Variants in SLC35F4 observed in about 807,000 individuals in gnomAD.
The protein encoded by SLC35F4 is solute carrier family 35 member F4.
A neutral mutation model predicts 44.2 loss-of-function variants in SLC35F4; 24 were observed. That is an observed-to-expected ratio of 0.54 (90% CI 0.39 to 0.76). The LOEUF is 0.76. SLC35F4 is among the 30% of genes least tolerant of loss of function. The pLI is 0.00. For missense variants in SLC35F4, 562 were observed against 586.1 expected (o/e 0.96, Z 0.42); for synonymous variants, 238 against 223.6 (o/e 1.06, Z -0.57).
At chr14:57,849,571 T>A (rs1423634364) in intron 1 of SLC35F4, among the ~76,000 whole-genome samples, 1 of 152,150 alleles carries the variant, frequency 6.6e-6, no homozygotes. Flanking sequence ...TAAGAGAAGA[T>A]ATTCTATCCA....
chr14:57,593,519 T>A (rs1156671602), intron 2 of SLC35F4, among the ~76,000 whole-genome samples: 2 of 152,194 alleles, frequency 1.3e-5, no homozygotes, highest in South Asian at 2.1e-4. Flanking sequence ...CTCCAGGGAC[T>A]AACAGTCCCG....
intron 1 of SLC35F4, among the ~76,000 whole-genome samples, chr14:57,862,914 G>T (rs2141014819): frequency 6.6e-6 from 1 of 152,256 alleles, no homozygotes; most frequent in Admixed American, 6.5e-5. Flanking sequence ...ACTTTTGTCT[G>T]TTTTGCTCAT....
intron 1 of SLC35F4, among the ~76,000 whole-genome samples, chr14:57,782,748 C>A (rs972697927): frequency 6.6e-6 from 1 of 152,196 alleles, no homozygotes; most frequent in Non-Finnish European, 1.5e-5. Flanking sequence ...TGATCTCTCC[C>A]AGTTCACACA....
At chr14:57,875,554 T>C (rs1888382034) in intron 1 of SLC35F4, among the ~76,000 whole-genome samples, 1 of 152,220 alleles carries the variant, frequency 6.6e-6, no homozygotes, top group African/African-American at 2.4e-5. Flanking sequence ...AGCTGGGGAC[T>C]GAATAGGATA....
chr14:57,568,610 C>T (rs185100832), intron 6 of SLC35F4, among the ~76,000 whole-genome samples: 2 of 152,076 alleles, frequency 1.3e-5, no homozygotes, highest in African/African-American at 2.4e-5. Context: ...TGTTTTCTGT[C>T]GAAGACCTCC....
chr14:57,580,823 T>TG (rs568767579), intron 4 of SLC35F4, among the ~76,000 whole-genome samples: 133 of 152,202 alleles, frequency 8.7e-4, no homozygotes, highest in South Asian at 6.2e-4. Context: ...GTGGGGGGAA[T>TG]GGGGGGTCAT....
rs146980098 is a variant in SLC35F4 at position 57,828,661 on chromosome 14, A to G, written c.103+37062T>C. On this transcript the variant is annotated intron_variant, in intron 1 of 7. Transcript: ENST00000556826. ...GTGCAAGAAGTCCATTGTGTCACAG[A>G]ATGTCACCAACACCACTCCTGGTCT... Among the ~76,000 whole-genome samples, 293 of 152,244 alleles carry G rather than the reference A, an allele frequency of 1.9e-3. 4 individuals are homozygous for G. The highest frequency in any genetic ancestry group is 6.7e-3 in the African/African-American group (278 of 41,568).
chr14:57,566,390 A>G (rs2068207662), intron 7 of SLC35F4, 85 bp downstream of exon 7: 5 of 1,286,380 alleles, frequency 3.9e-6, no homozygotes, highest in South Asian at 1.4e-5. Flanking sequence ...CACAATTTCT[A>G]GAAGGAACAA....
chr14:57,863,510 A>G (rs1415527131), intron 1 of SLC35F4, among the ~76,000 whole-genome samples: 1 of 152,236 alleles, frequency 6.6e-6, no homozygotes, highest in Non-Finnish European at 1.5e-5. Context: ...TTCACATATT[A>G]TATATTCATC....
chr14:57,578,604 A>G (rs2068993302), intron 4 of SLC35F4: 1 of 152,106 alleles, frequency 6.6e-6, no homozygotes. Context: ...GGGCATCATT[A>G]AATTACACGT....
chr14:57,872,822 G>C (rs1335141202), intron 1 of SLC35F4, among the ~76,000 whole-genome samples: 11 of 152,290 alleles, frequency 7.2e-5, no homozygotes, highest in Non-Finnish European at 1.6e-4. Flanking sequence ...GGTCAGCTCA[G>C]TCACATGCCC....
chr14:57,757,100 C>T (rs1317986185), intron 1 of SLC35F4, among the ~76,000 whole-genome samples: 1 of 152,088 alleles, frequency 6.6e-6, no homozygotes, highest in Non-Finnish European at 1.5e-5. Context: ...ACATCTAGGA[C>T]TTTTATTTCC....
chr14:57,942,412 A>C (rs1020760756), intron 1 of SLC35F4, among the ~76,000 whole-genome samples: 37 of 152,318 alleles, frequency 2.4e-4, no homozygotes, highest in Non-Finnish European at 1.5e-5. Flanking sequence ...AATCTCTTTC[A>C]TAACATTCTT....
At chr14:57,700,621 G>C (rs1255367386) in intron 1 of SLC35F4, among the ~76,000 whole-genome samples, 1 of 151,832 alleles carries the variant, frequency 6.6e-6, no homozygotes, top group Non-Finnish European at 1.5e-5. Flanking sequence ...ACATTTTCAG[G>C]CCAGGCATGG....
At chr14:57,784,982 A>G (rs1006873317) in intron 1 of SLC35F4, among the ~76,000 whole-genome samples, 9 of 152,108 alleles carry the variant, frequency 5.9e-5, no homozygotes, top group African/African-American at 2.2e-4. Context: ...TTGTAAGAAT[A>G]CTCTATATAA....
intron 1 of SLC35F4, among the ~76,000 whole-genome samples, chr14:57,755,258 C>T (rs754326923): frequency 1.2e-4 from 18 of 152,118 alleles, no homozygotes; most frequent in African/African-American, 4.1e-4. Flanking sequence ...GGGGCCCTGA[C>T]GAAGGGGCTT....
At chr14:57,829,273 T>C (rs1163711450) in intron 1 of SLC35F4, among the ~76,000 whole-genome samples, 1 of 152,172 alleles carries the variant, frequency 6.6e-6, no homozygotes, top group Non-Finnish European at 1.5e-5. Flanking sequence ...CTGGGATCAC[T>C]GTGAGCAGAA....
chr14:57,571,871 A>C (rs764337560), intron 5 of SLC35F4, 23 bp downstream of exon 5: 2 of 1,598,958 alleles, frequency 1.3e-6, no homozygotes, highest in Non-Finnish European at 1.7e-6. Flanking sequence ...ACAGTTGCTT[A>C]CAAAAGAAAG....
intron 1 of SLC35F4, among the ~76,000 whole-genome samples, chr14:57,609,002 A>G (rs1042231659): frequency 3.3e-5 from 5 of 152,150 alleles, no homozygotes; most frequent in Non-Finnish European, 7.3e-5. Flanking sequence ...GCATGCAGGA[A>G]GTATAGACAG....
Sources: allele counts gnomAD v4.1 joint callset (sites outside exome capture counted in the v4.1 genomes callset), GRCh38; gene constraint gnomAD v4.1.1; transcripts MANE v1.5; gene names NCBI Gene and HGNC (gene_info 2026-07-23, HGNC 2026-07-21).